CCDC186: variants seen among roughly 807,000 people sequenced by gnomAD.
CCDC186 encodes the protein coiled-coil domain-containing protein 186.
A neutral mutation model predicts 113.7 loss-of-function variants in CCDC186; 49 were observed. The ratio of observed to expected loss-of-function variants is 0.43; its 90% confidence interval spans 0.34 to 0.55. The LOEUF is 0.55. Among genes scored for constraint, CCDC186 ranks in the 20% least tolerant of loss-of-function variants. The pLI is 0.02. For synonymous variants in CCDC186, 355 were observed against 345.8 expected, an observed-to-expected ratio of 1.03 and a Z score of -0.30; for missense variants, 890 against 1,011.1, an observed-to-expected ratio of 0.88 and a Z score of 1.62.
At chr10:114,140,009 A>G (rs1347855818) in intron 6 of CCDC186, among the ~76,000 whole-genome samples, 1 of 152,222 alleles carries the variant, frequency 6.6e-6, no homozygotes. Context: ...TGTTTCACTT[A>G]TTCATTCATT....
intron 1 of CCDC186, among the ~76,000 whole-genome samples, chr10:114,166,885 T>C (rs917460254): frequency 5.9e-5 from 9 of 152,178 alleles, no homozygotes; most frequent in African/African-American, 2.2e-4. Flanking sequence ...ATCCTCCTCC[T>C]GTAAATTAAG....
At chr10:114,163,797 AG>A (rs1308523321) in intron 1 of CCDC186, among the ~76,000 whole-genome samples, 5 of 152,334 alleles carry the variant, frequency 3.3e-5, no homozygotes, top group African/African-American at 1.2e-4. Flanking sequence ...CGCACATTAA[AG>A]AAAATAAAAA....
At chr10:114,131,728 A>C (rs1399642269) in intron 11 of CCDC186, among the ~76,000 whole-genome samples, 1 of 152,164 alleles carries the variant, frequency 6.6e-6, no homozygotes, top group East Asian at 1.9e-4. Context: ...GTAAAATATT[A>C]TTCATAATCA....
At chr10:114,173,066 G>A (rs1356479330) in intron 1 of CCDC186, 2 of 367,488 alleles carry the variant, frequency 5.4e-6, no homozygotes, top group Admixed American at 6.5e-5. Flanking sequence ...ACAACACCCG[G>A]CCTATCGTTT....
intron 1 of CCDC186, among the ~76,000 whole-genome samples, chr10:114,168,435 C>T (rs1195159211): frequency 6.6e-6 from 1 of 152,108 alleles, no homozygotes; most frequent in Non-Finnish European, 1.5e-5. Context: ...GTATAAACAA[C>T]AAAAAATTTA....
intron 7 of CCDC186, among the ~76,000 whole-genome samples, chr10:114,136,915 G>A (rs961769799): frequency 2.0e-5 from 3 of 151,906 alleles, no homozygotes; most frequent in East Asian, 1.9e-4. Flanking sequence ...TCAGGAGTTC[G>A]AGACCAGCCC....
chr10:114,167,156 G>T (rs2032360252), intron 1 of CCDC186, among the ~76,000 whole-genome samples: 1 of 151,884 alleles, frequency 6.6e-6, no homozygotes. Context: ...AAGTAGCTGG[G>T]ATTACAGGCA....
intron 9 of CCDC186, among the ~76,000 whole-genome samples, chr10:114,135,471 A>T (rs2031229441): frequency 6.6e-6 from 1 of 152,228 alleles, no homozygotes; most frequent in Non-Finnish European, 1.5e-5. Context: ...AATAAAGACT[A>T]TAAACACGAA....
intron 15 of CCDC186, among the ~76,000 whole-genome samples, chr10:114,125,614 A>G (rs2119671075): frequency 6.6e-6 from 1 of 152,360 alleles, no homozygotes; most frequent in African/African-American, 2.4e-5. Flanking sequence ...TTATTTTAGC[A>G]ATCAAAACTA....
chr10:114,157,154 C>T (rs12778888), intron 3 of CCDC186, among the ~76,000 whole-genome samples: 12,003 of 151,020 alleles, frequency 0.079, 565 homozygotes, highest in Middle Eastern at 0.14. Flanking sequence ...TTATAGAACT[C>T]CAACCTACAT....
intron 4 of CCDC186, among the ~76,000 whole-genome samples, chr10:114,146,541 A>G (rs192361830): frequency 1.3e-3 from 204 of 152,344 alleles, no homozygotes; most frequent in Non-Finnish European, 5.7e-4. Flanking sequence ...TTTACACTTA[A>G]TAAGAAATAC....
At chr10:114,132,783 T>C (rs1191787560) in intron 10 of CCDC186, among the ~76,000 whole-genome samples, 1 of 152,172 alleles carries the variant, frequency 6.6e-6, no homozygotes, top group East Asian at 1.9e-4. Flanking sequence ...CAGTATGTGC[T>C]AAAAACTGGG....
intron 6 of CCDC186, among the ~76,000 whole-genome samples, chr10:114,143,719 G>C (rs1334000649): frequency 6.6e-6 from 1 of 152,134 alleles, no homozygotes; most frequent in Non-Finnish European, 1.5e-5. Context: ...TACTGATTTA[G>C]AACTATTTAA....
In CCDC186 at chr10:114,131,096, G is replaced by T. The variant is rs767297902; in HGVS notation, c.2101+51C>A. 2.3e-6 allele frequency: 3 copies of T among 1,328,062 alleles called. No individual in the cohort carries two copies. The South Asian group carries it at 6.3e-5, about 28-fold the overall frequency. The allele number at this position is 1,328,062 out of a possible 1,614,324, so 82.3% of individuals were successfully genotyped here. On this transcript the variant is annotated intron_variant, in intron 12 of 15. Transcript: ENST00000369287. Reference sequence around the variant, plus strand: ...GAATCACAAAAAATAAAATCCTAATGATTAAAAGAAACAAACACATTCATG... The same window carrying T: ...GAATCACAAAAAATAAAATCCTAATTATTAAAAGAAACAAACACATTCATG...
At chr10:114,150,103 G>A (rs2119801932) in intron 4 of CCDC186, among the ~76,000 whole-genome samples, 1 of 152,276 alleles carries the variant, frequency 6.6e-6, no homozygotes, top group East Asian at 1.9e-4. Flanking sequence ...AGTCCTTCCA[G>A]AATGCCATCT....
intron 4 of CCDC186, among the ~76,000 whole-genome samples, chr10:114,148,983 G>C (rs991406335): frequency 6.6e-6 from 1 of 152,168 alleles, no homozygotes; most frequent in Non-Finnish European, 1.5e-5. Flanking sequence ...ATAGATGAAA[G>C]ATAAACAAGT....
At chr10:114,167,159 T>G (rs1214974543) in intron 1 of CCDC186, among the ~76,000 whole-genome samples, 2 of 151,982 alleles carry the variant, frequency 1.3e-5, no homozygotes, top group Non-Finnish European at 2.9e-5. Context: ...TAGCTGGGAT[T>G]ACAGGCACGA....
At chr10:114,146,841 C>T (rs1169873074) in intron 4 of CCDC186, among the ~76,000 whole-genome samples, 1 of 151,622 alleles carries the variant, frequency 6.6e-6, no homozygotes, top group Non-Finnish European at 1.5e-5. Context: ...GGGAAAGCTT[C>T]TATGCTTTGA....
At chr10:114,134,300 A>G (rs527385959) in intron 10 of CCDC186, among the ~76,000 whole-genome samples, 1 of 152,300 alleles carries the variant, frequency 6.6e-6, no homozygotes, top group African/African-American at 2.4e-5. Flanking sequence ...ATGGTGGAGA[A>G]CCTCTGACCA....
Sources: allele counts gnomAD v4.1 joint callset (sites outside exome capture counted in the v4.1 genomes callset), GRCh38; gene constraint gnomAD v4.1.1; transcripts MANE v1.5; gene names NCBI Gene and HGNC (gene_info 2026-07-23, HGNC 2026-07-21).